TRPM8: variants seen among roughly 807,000 people sequenced by gnomAD.
The protein encoded by TRPM8 is transient receptor potential cation channel subfamily M member 8.
TRPM8 carries 110 observed loss-of-function variants against 133.7 expected under a neutral mutation model. That is an observed-to-expected ratio of 0.82 (90% CI 0.70 to 0.96). The LOEUF (loss-of-function observed/expected upper bound fraction) is 0.96, where lower values mean the gene tolerates loss of function less well. Ranked by LOEUF, TRPM8 falls within the 40% of genes least tolerant of loss-of-function variation. The pLI, the probability that TRPM8 is intolerant of heterozygous loss-of-function variation, is 0.00. For synonymous variants in TRPM8, 535 were observed against 532.3 expected, an observed-to-expected ratio of 1.01 and a Z score of -0.07; for missense variants, 1,291 against 1,379.5, an observed-to-expected ratio of 0.94 and a Z score of 1.02.
Position 233,925,720 on chromosome 2 carries a change from G to A in TRPM8, c.-5-813G>A, listed in dbSNP as rs4663985. 9.0e-3 allele frequency among the ~76,000 whole-genome samples: 1,376 copies of A among 152,066 alleles called. 26 individuals are homozygous for A. The highest frequency in any genetic ancestry group is 0.031 in the African/African-American group (1,273 of 41,438). ...AGGAGGAGGGGACTCAGGGAGACACGGTATGCAGGAAGGACAGTGCTTTCA... is the reference window on the plus strand; with the variant it reads ...AGGAGGAGGGGACTCAGGGAGACACAGTATGCAGGAAGGACAGTGCTTTCA... On this transcript the variant is annotated intron_variant, in intron 1 of 25. Transcript: ENST00000324695.
At chr2:234,012,740 G>A (rs559072205) in intron 24 of TRPM8, among the ~76,000 whole-genome samples, 14 of 151,648 alleles carry the variant, frequency 9.2e-5, no homozygotes, top group African/African-American at 3.4e-4. Flanking sequence ...TTTAGTTGTG[G>A]GTTTTTTCAT....
chr2:233,930,568 A>G (rs1691660541), intron 2 of TRPM8, 100 bp from the exon 3 acceptor site: 1 of 738,738 alleles, frequency 1.4e-6, no homozygotes, highest in Non-Finnish European at 2.2e-6. Flanking sequence ...TAAATTCTTA[A>G]AGCCTTTGAA....
chr2:233,942,950 T>C (rs545668893), intron 6 of TRPM8: 227 of 619,450 alleles, frequency 3.7e-4, no homozygotes, highest in Non-Finnish European at 6.1e-4. Context: ...GAGTTAACAA[T>C]GAATGTTTTG....
intron 3 of TRPM8, among the ~76,000 whole-genome samples, chr2:233,934,572 A>G (rs1248765642): frequency 2.0e-5 from 3 of 152,324 alleles, no homozygotes; most frequent in Middle Eastern, 3.4e-3. Context: ...ACCTGCCTCC[A>G]TGTATCTCCA....
chr2:234,009,332 G>A (rs1371457747), intron 24 of TRPM8, among the ~76,000 whole-genome samples: 2 of 152,142 alleles, frequency 1.3e-5, no homozygotes, highest in East Asian at 1.9e-4. Context: ...GAGTGACTTC[G>A]GAGGGAGCTA....
At position 233,970,426 on chromosome 2, in the gene TRPM8, G is replaced by A. The variant is rs1399961194; in HGVS notation, c.2355G>A (p.Gln785=). Residue 785 remains glutamine (Q), a splice_region_variant and synonymous_variant, in exon 17 of 26, where the codon CAG becomes CAA. Transcript: ENST00000324695. ...TCCTCTTCTGTGATGAAGTGAGACA[G>A]GTAGGGCTGCCATGACAGCAGGAAC... is the stretch of plus-strand genomic sequence containing the variant. The part of the protein sequence containing the change: ...VFVLFCDEVR[Q]WYVNGVNYFT... The A allele has an allele frequency of 6.2e-7, 1 of 1,613,686 alleles. No individual in the cohort carries two copies. Among genetic ancestry groups the A allele is most frequent in the African/African-American group, 1.3e-5 (1 of 74,890 alleles).
chr2:233,956,782 T>G (rs765221298), intron 11 of TRPM8, among the ~76,000 whole-genome samples: 84 of 152,342 alleles, frequency 5.5e-4, no homozygotes, highest in Non-Finnish European at 1.1e-3. Flanking sequence ...ATCTTGTGTG[T>G]GGTGTTTGCA....
chr2:234,003,266 A>C (rs1238644176), intron 22 of TRPM8, among the ~76,000 whole-genome samples: 1 of 152,226 alleles, frequency 6.6e-6, no homozygotes, highest in Non-Finnish European at 1.5e-5. Flanking sequence ...CAACTCTTTT[A>C]ACAGCATTAT....
intron 17 of TRPM8, among the ~76,000 whole-genome samples, chr2:233,976,844 C>T (rs555188225): frequency 1.1e-4 from 16 of 152,218 alleles, no homozygotes; most frequent in African/African-American, 2.2e-4. Context: ...AGATTCTTAT[C>T]GTTAAAATAA....
intron 6 of TRPM8, 194 bp downstream of exon 6, chr2:233,942,942 G>C: frequency 1.6e-6 from 1 of 624,982 alleles, no homozygotes; most frequent in Non-Finnish European, 2.8e-6. Context: ...CTGGGAAAGA[G>C]TTAACAATGA....
At chr2:233,936,248 A>C (rs541743565) in intron 3 of TRPM8, among the ~76,000 whole-genome samples, 17 of 152,186 alleles carry the variant, frequency 1.1e-4, no homozygotes, top group Non-Finnish European at 2.4e-4. Context: ...GCTGCTGTGA[A>C]GCTCAGCCCA....
At chr2:233,918,095 A>T (rs574841432) in intron 1 of TRPM8, among the ~76,000 whole-genome samples, 1 of 152,056 alleles carries the variant, frequency 6.6e-6, no homozygotes, top group African/African-American at 2.4e-5. Context: ...TGACTTTTTC[A>T]GTGTTAGGAT....
intron 23 of TRPM8, among the ~76,000 whole-genome samples, 169 bp from the exon 24 acceptor site, chr2:234,007,901 A>G (rs758604364): frequency 1.3e-5 from 2 of 152,222 alleles, no homozygotes; most frequent in African/African-American, 2.4e-5. Flanking sequence ...TTGTTAGGGT[A>G]CTAGGAAGAA....
chr2:233,969,473 G>A (rs186451975), intron 15 of TRPM8, among the ~76,000 whole-genome samples: 9 of 152,158 alleles, frequency 5.9e-5, no homozygotes, highest in Admixed American at 2.6e-4. Context: ...GGCAGCAAGC[G>A]TGAAACTCCG....
In TRPM8 at chr2:233,989,687, C is replaced by T. The variant is rs1692227536; in HGVS notation, c.2939+3822C>T. Among the ~76,000 whole-genome samples the T allele has an allele frequency of 6.6e-6, 1 of 152,158 alleles. No homozygotes were observed. The highest frequency in any genetic ancestry group is 2.4e-5 in the African/African-American group (1 of 41,430). The stretch of plus-strand genomic sequence containing the variant: ...AATGGCAACCTTATTAACTGCAATG[C>T]AAATGTACCTTTGGGAATTCTGAAG... On this transcript the variant is annotated intron_variant, in intron 21 of 25. Coordinates refer to ENST00000324695, the MANE Select transcript of TRPM8 (RefSeq NM_024080.5). This position sits in a 1 kb window ranked among gnomAD's most constrained non-coding sequence, Gnocchi z 4.2.
intron 17 of TRPM8, among the ~76,000 whole-genome samples, chr2:233,979,117 C>A (rs1361084588): frequency 1.3e-5 from 2 of 152,142 alleles, no homozygotes; most frequent in Non-Finnish European, 2.9e-5. Flanking sequence ...ATCTAAATAT[C>A]AGATGGACTC....
At chr2:233,970,119 G>T in intron 16 of TRPM8, 91 bp from the exon 17 acceptor site, 1 of 1,175,276 alleles carries the variant, frequency 8.5e-7, no homozygotes, top group Non-Finnish European at 1.3e-6. Flanking sequence ...CTGGCTATGG[G>T]TCTGTATTTA....
chr2:233,975,333 G>T (rs916718572), intron 17 of TRPM8, among the ~76,000 whole-genome samples: 1 of 152,180 alleles, frequency 6.6e-6, no homozygotes, highest in Non-Finnish European at 1.5e-5. Flanking sequence ...GGAGACCAGC[G>T]CTGGGGAGCT....
intron 11 of TRPM8, among the ~76,000 whole-genome samples, chr2:233,959,687 A>G (rs1158968120): frequency 6.6e-6 from 1 of 152,132 alleles, no homozygotes; most frequent in Non-Finnish European, 1.5e-5. Context: ...AATGTTGGCA[A>G]TGGAATAAAA....
Sources: gnomAD v4.1 joint callset for allele counts (sites outside exome capture counted in the v4.1 genomes callset) on GRCh38, gnomAD v4.1.1 for gene constraint, Gnocchi (gnomAD v3.1) non-coding constraint, MANE v1.5 for transcripts, NCBI Gene and HGNC (gene_info 2026-07-23, HGNC 2026-07-21) for gene names.